The following FBP2 variants were observed in gnomAD, a reference collection of about 807,000 sequenced individuals.
FBP2 encodes the protein fructose-1,6-bisphosphatase isozyme 2.
FBP2 carries 27 observed loss-of-function variants against 31.6 expected under a neutral mutation model. The ratio of observed to expected loss-of-function variants is 0.85; its 90% CI spans 0.63 to 1.18. The LOEUF is 1.18. Ranked by LOEUF, FBP2 falls within the 50% of genes most tolerant of loss-of-function variation. FBP2 has a pLI of 0.00. For synonymous variants in FBP2, 168 were observed against 179.8 expected (o/e 0.93, Z 0.53); for missense variants, 421 against 436.1 (o/e 0.97, Z 0.31).
At chr9:94,571,425 G>A in intron 4 of FBP2, 37 bp downstream of exon 4, 1 of 1,553,364 alleles carries the variant, frequency 6.4e-7, no homozygotes, top group South Asian at 1.2e-5. Flanking sequence ...GGCCCATGGA[G>A]TCCCCAGGCA....
intron 3 of FBP2, among the ~76,000 whole-genome samples, chr9:94,574,286 A>G (rs1263353244): frequency 6.6e-6 from 1 of 152,186 alleles, no homozygotes; most frequent in Non-Finnish European, 1.5e-5. Context: ...TTTTACCACT[A>G]ATAATAAGAG....
intron 4 of FBP2, chr9:94,568,278 T>G (rs948206072): frequency 2.0e-5 from 3 of 152,050 alleles, no homozygotes; most frequent in African/African-American, 7.2e-5. Flanking sequence ...AAGGAAAAAG[T>G]TGGTAAAATC....
intron 6 of FBP2, among the ~76,000 whole-genome samples, chr9:94,559,588 C>G (rs1469803181): frequency 6.6e-6 from 1 of 151,628 alleles, no homozygotes; most frequent in African/African-American, 2.4e-5. Flanking sequence ...TGGGGACAGC[C>G]ACAGTGGCTG....
chr9:94,565,686 AT>A (rs34288791), intron 5 of FBP2, among the ~76,000 whole-genome samples: 80,908 of 151,844 alleles, frequency 0.53, 21,839 homozygotes, highest in Admixed American at 0.64. Context: ...CCTTTGCTCT[AT>A]AAAGAAAAGC....
intron 6 of FBP2, among the ~76,000 whole-genome samples, chr9:94,562,060 C>G (rs1238978191): frequency 6.6e-6 from 1 of 152,026 alleles, no homozygotes; most frequent in Non-Finnish European, 1.5e-5. Context: ...ACCTGTAATC[C>G]CAGCACTTTG....
intron 6 of FBP2, among the ~76,000 whole-genome samples, chr9:94,559,389 T>C (rs1827059942): frequency 6.6e-6 from 1 of 152,202 alleles, no homozygotes; most frequent in African/African-American, 2.4e-5. Flanking sequence ...TTGTGATCCT[T>C]GTGCTTATGA....
chr9:94,564,575 C>T (rs942798064), intron 5 of FBP2, among the ~76,000 whole-genome samples: 1 of 152,064 alleles, frequency 6.6e-6, no homozygotes, highest in African/African-American at 2.4e-5. Flanking sequence ...AAACCAAATG[C>T]CACATGTTCT....
intron 1 of FBP2, among the ~76,000 whole-genome samples, chr9:94,590,456 G>GGTT (rs1554748674): frequency 1.3e-5 from 2 of 151,744 alleles, no homozygotes; most frequent in Non-Finnish European, 2.9e-5. Flanking sequence ...TCCCCTGCCT[G>GGTT]GGTGGTGGTG....
At chr9:94,582,351 CGTGTGTGTGTGTGTGT>C (rs71366248) in intron 3 of FBP2, among the ~76,000 whole-genome samples, 54 of 147,852 alleles carry the variant, frequency 3.7e-4, no homozygotes, top group Admixed American at 3.2e-3. Flanking sequence ...TGTGTGTGTG[CGTGTGTGTGTGTGTGT>C]GTGTGTGTGT....
intron 1 of FBP2, among the ~76,000 whole-genome samples, chr9:94,589,268 G>A (rs544794022): frequency 9.9e-5 from 15 of 152,282 alleles, no homozygotes; most frequent in East Asian, 9.7e-4. Flanking sequence ...CCCAGCAAGC[G>A]GCTCTGGTCC....
intron 4 of FBP2, chr9:94,570,008 C>T (rs972732505): frequency 1.3e-5 from 2 of 152,186 alleles, no homozygotes; most frequent in African/African-American, 4.8e-5. Flanking sequence ...CTCAAATGTC[C>T]TTTTTAGTAG....
In FBP2 at chr9:94,558,843, T is replaced by C; in HGVS notation, c.*95A>G. On this transcript the variant is annotated 3_prime_UTR_variant, in exon 7 of 7. Transcript: ENST00000375337. ...TATGTGATTAAGTGGATTTACCTTT[T>C]GTATACTCATAGCTACCATCTCTGT... 1.7e-6 allele frequency: 2 copies of C among 1,184,110 alleles called. No homozygotes were observed. Among genetic ancestry groups the C allele is most frequent in the Admixed American group, 2.0e-5 (1 of 50,290 alleles). The allele number at this position is 1,184,110 out of a possible 1,614,324, so 73.4% of individuals were successfully genotyped here. A position where few individuals can be genotyped will look rare whatever the true frequency, so the allele number is the denominator to read the frequency against.
At chr9:94,565,023 T>TAA (rs1827165274) in intron 5 of FBP2, among the ~76,000 whole-genome samples, 1 of 152,176 alleles carries the variant, frequency 6.6e-6, no homozygotes, top group South Asian at 2.1e-4. Context: ...ATATTATATA[T>TAA]AATGAAACAT....
intron 4 of FBP2, chr9:94,568,149 TAC>T (rs1401969744): frequency 6.7e-6 from 1 of 149,466 alleles, no homozygotes; most frequent in Non-Finnish European, 1.5e-5. Context: ...AAATGTGTGG[TAC>T]AGTTATTTTG....
chr9:94,570,454 G>A (rs2772012), intron 4 of FBP2: 73,515 of 151,600 alleles, frequency 0.48, 18,379 homozygotes, highest in East Asian at 0.6. Flanking sequence ...GGGCCACTGT[G>A]ACATTTAAAT....
At chr9:94,590,675 G>A (rs1379337990) in intron 1 of FBP2, among the ~76,000 whole-genome samples, 1 of 152,192 alleles carries the variant, frequency 6.6e-6, no homozygotes, top group Non-Finnish European at 1.5e-5. Flanking sequence ...CAAAGAGTGA[G>A]CAGCAGCAAG....
chr9:94,588,483 TGTG>T (rs1564187593), intron 1 of FBP2, among the ~76,000 whole-genome samples: 1 of 152,032 alleles, frequency 6.6e-6, no homozygotes, highest in African/African-American at 2.4e-5. Context: ...ATTAGCTGGA[TGTG>T]GTGGCACACA....
At chr9:94,559,339 G>A (rs1292557064) in intron 6 of FBP2, among the ~76,000 whole-genome samples, 1 of 152,190 alleles carries the variant, frequency 6.6e-6, no homozygotes, top group Non-Finnish European at 1.5e-5. Flanking sequence ...AGCCTTGGGG[G>A]CCCCTCTGGC....
intron 1 of FBP2, among the ~76,000 whole-genome samples, chr9:94,588,968 C>A (rs1229400200): frequency 6.6e-6 from 1 of 152,204 alleles, no homozygotes; most frequent in Non-Finnish European, 1.5e-5. Flanking sequence ...TGACGGCCAC[C>A]CCAGTCAAGC....
Sources: gnomAD v4.1 joint callset for allele counts (sites outside exome capture counted in the v4.1 genomes callset) on GRCh38, gnomAD v4.1.1 for gene constraint, MANE v1.5 for transcripts, NCBI Gene and HGNC (gene_info 2026-07-23, HGNC 2026-07-21) for gene names.